Variants in NFASC observed in about 807,000 individuals in gnomAD.
The protein encoded by NFASC is neurofascin.
NFASC carries 43 observed loss-of-function variants against 147.5 expected under a neutral mutation model. That is an observed-to-expected ratio of 0.29 (90% CI 0.23 to 0.38). The LOEUF is 0.38. Ranked by LOEUF, NFASC falls within the 10% of genes least tolerant of loss-of-function variation. The pLI is 1.00. For missense variants in NFASC, 1,320 were observed against 1,689.0 expected (o/e 0.78, Z 3.83); for synonymous variants, 622 against 665.5 (o/e 0.93, Z 1.01).
intron 21 of NFASC, among the ~76,000 whole-genome samples, chr1:204,982,473 T>TC (rs1026664133): frequency 2.6e-5 from 4 of 152,154 alleles, no homozygotes; most frequent in African/African-American, 9.7e-5. Context: ...GGCCAGAGGT[T>TC]CCCCCGGGGA....
chr1:204,882,306 C>G (rs1407222542), intron 1 of NFASC, among the ~76,000 whole-genome samples: 1 of 152,146 alleles, frequency 6.6e-6, no homozygotes, highest in Non-Finnish European at 1.5e-5. Context: ...ATGATCTGGC[C>G]CTCCCTACCC....
intron 25 of NFASC, 81 bp from the exon 26 acceptor site, chr1:205,001,089 G>A (rs1233768975): frequency 1.0e-5 from 8 of 800,674 alleles, no homozygotes; most frequent in African/African-American, 3.4e-5. Context: ...GCATGCACAC[G>A]CTTGTGTGTA....
At chr1:204,830,955 G>A (rs1211029765) in intron 1 of NFASC, among the ~76,000 whole-genome samples, 1 of 152,192 alleles carries the variant, frequency 6.6e-6, no homozygotes, top group Non-Finnish European at 1.5e-5. Context: ...TGCTGCTGGG[G>A]GCACTGGCTG....
chr1:204,873,834 C>G (rs1472397148), intron 1 of NFASC, among the ~76,000 whole-genome samples: 3 of 152,148 alleles, frequency 2.0e-5, no homozygotes, highest in Non-Finnish European at 2.9e-5. Context: ...GCAGCAGTCT[C>G]AGGAGAATGT....
chr1:204,886,717 C>T (rs1035434813), intron 1 of NFASC, among the ~76,000 whole-genome samples: 35 of 152,140 alleles, frequency 2.3e-4, no homozygotes, highest in Admixed American at 2.1e-3. Context: ...CCCAGGGAGA[C>T]GCAACTCCCT....
intron 1 of NFASC, among the ~76,000 whole-genome samples, chr1:204,834,249 A>G (rs1278857257): frequency 6.6e-6 from 1 of 152,064 alleles, no homozygotes; most frequent in African/African-American, 2.4e-5. Flanking sequence ...GGGGCCTTCA[A>G]CTTCTGGCCC....
Position 204,987,539 on chromosome 1 carries a change from C to G in NFASC, c.2592C>G (p.Ala864=). 6.2e-7 allele frequency: 1 copy of G among 1,614,150 alleles called. No homozygotes were observed. The highest frequency in any genetic ancestry group is 2.2e-5 in the East Asian group (1 of 44,874). Residue 864 remains alanine (A), a splice_region_variant and synonymous_variant, in exon 22 of 30, where the codon GCC becomes GCG. Coordinates refer to ENST00000339876, the MANE Select transcript of NFASC (RefSeq NM_001005388.3). The surrounding 1 kb of genome is among the most constrained non-coding windows in gnomAD (Gnocchi z 4.4). The part of the protein sequence containing the change: ...IMIGYTLKYV[A]FNGTKVGKQI... Reference sequence around the variant, plus strand: ...TTGGATACACTCTCAAATATGTGGCCTGTACGTTCTGCCCTTCCCTTTCTC... The same window carrying G: ...TTGGATACACTCTCAAATATGTGGCGTGTACGTTCTGCCCTTCCCTTTCTC...
At chr1:204,891,801 T>C (rs969832789) in intron 1 of NFASC, among the ~76,000 whole-genome samples, 1 of 152,146 alleles carries the variant, frequency 6.6e-6, no homozygotes, top group Non-Finnish European at 1.5e-5. Context: ...ATGAAATGCC[T>C]GGCAAGTCCA....
chr1:204,859,278 T>C (rs2076462660), intron 1 of NFASC, among the ~76,000 whole-genome samples: 1 of 152,218 alleles, frequency 6.6e-6, no homozygotes, highest in South Asian at 2.1e-4. Context: ...TGCCAGGTGC[T>C]TCTGTCCTCA....
intron 29 of NFASC, among the ~76,000 whole-genome samples, chr1:205,014,194 GACACCAA>G (rs2096302650): frequency 6.6e-6 from 1 of 152,138 alleles, no homozygotes; most frequent in South Asian, 2.1e-4. Flanking sequence ...TCCTGCCCCA[GACACCAA>G]AGCTGTCAGG....
chr1:204,993,416 G>A (rs1384860586), intron 24 of NFASC, among the ~76,000 whole-genome samples: 1 of 152,224 alleles, frequency 6.6e-6, no homozygotes, highest in African/African-American at 2.4e-5. Flanking sequence ...CTTGATAGGT[G>A]CCCTGTTCCG....
At chr1:204,879,976 T>C (rs938355148) in intron 1 of NFASC, among the ~76,000 whole-genome samples, 4 of 152,166 alleles carry the variant, frequency 2.6e-5, no homozygotes, top group African/African-American at 9.7e-5. Context: ...GGCCCTCTCA[T>C]TCTGGGGTGA....
At chr1:204,956,565 T>G (rs913743934) in intron 7 of NFASC, among the ~76,000 whole-genome samples, 4 of 152,374 alleles carry the variant, frequency 2.6e-5, no homozygotes, top group East Asian at 3.9e-4. Flanking sequence ...TGGTGTGTTC[T>G]GCTCGCCACG....
chr1:204,856,798 A>G (rs2076197130), intron 1 of NFASC, among the ~76,000 whole-genome samples: 1 of 152,238 alleles, frequency 6.6e-6, no homozygotes, highest in South Asian at 2.1e-4. Flanking sequence ...GGCTTCTTTC[A>G]CTTAGTTTTC....
In NFASC at chr1:204,988,619, C is replaced by G. The variant is rs2095661954; in HGVS notation, c.2594-14C>G. The stretch of plus-strand genomic sequence containing the variant: ...GTTGCTAAAGTTTAATTCCACTTAC[C>G]TCTCTCTCCCCAGTTAACGGGACCA... On this transcript the variant is annotated splice_polypyrimidine_tract_variant and intron_variant, in intron 22 of 29. Coordinates refer to ENST00000339876, the MANE Select transcript of NFASC (RefSeq NM_001005388.3). The G allele has an allele frequency of 6.2e-7, 1 of 1,612,130 alleles. No homozygotes were observed. The highest frequency in any genetic ancestry group is 8.5e-7 in the Non-Finnish European group (1 of 1,178,308).
intron 25 of NFASC, chr1:204,998,532 C>T (rs2095898620): frequency 6.6e-6 from 1 of 152,172 alleles, no homozygotes; most frequent in African/African-American, 2.4e-5. Flanking sequence ...AGTGAGCTGT[C>T]AGGGAAGACG....
rs1036282823 is a variant in NFASC, at chr1:205,015,422, G to A, written c.3492-886G>A. Among the ~76,000 whole-genome samples the A allele has an allele frequency of 2.0e-5, 3 of 152,208 alleles. No homozygotes were observed. Among genetic ancestry groups the A allele is most frequent in the African/African-American group, 7.2e-5 (3 of 41,460 alleles). ...CTCTGAGCCTTTCCAGCCAAGGGAAGGGACATGGTGCCTGAACAGACGCTG... is the reference window on the plus strand; with the variant it reads ...CTCTGAGCCTTTCCAGCCAAGGGAAAGGACATGGTGCCTGAACAGACGCTG... On this transcript the variant is annotated intron_variant, in intron 29 of 29. Coordinates refer to ENST00000339876, the MANE Select transcript of NFASC (RefSeq NM_001005388.3). This position sits in a 1 kb window ranked among gnomAD's most constrained non-coding sequence, Gnocchi z 4.0.
At chr1:204,850,673 G>A (rs1050192179) in intron 1 of NFASC, among the ~76,000 whole-genome samples, 2 of 152,192 alleles carry the variant, frequency 1.3e-5, no homozygotes, top group African/African-American at 2.4e-5. Context: ...ATGGTAAGAC[G>A]CGCTTGCTTC....
At chr1:204,930,036 C>T (rs956241880) in intron 2 of NFASC, among the ~76,000 whole-genome samples, 1 of 152,130 alleles carries the variant, frequency 6.6e-6, no homozygotes, top group African/African-American at 2.4e-5. Context: ...TCAGTCATGC[C>T]TAGCCGATCC....
Sources: gnomAD v4.1 joint callset for allele counts (sites outside exome capture counted in the v4.1 genomes callset) on GRCh38, gnomAD v4.1.1 for gene constraint, Gnocchi (gnomAD v3.1) non-coding constraint, MANE v1.5 for transcripts, NCBI Gene and HGNC (gene_info 2026-07-23, HGNC 2026-07-21) for gene names.